The following FUT8 variants were observed in gnomAD, a reference collection of about 807,000 sequenced individuals.
The protein encoded by FUT8 is alpha-(1,6)-fucosyltransferase.
Under a neutral mutation model 71.3 loss-of-function variants are expected in FUT8, and 29 were observed. The ratio of observed to expected loss-of-function variants is 0.41; its 90% CI spans 0.30 to 0.55. The LOEUF (loss-of-function observed/expected upper bound fraction) is 0.55. Ranked by LOEUF, FUT8 falls within the 20% of genes least tolerant of loss-of-function variation. FUT8 has a pLI of 0.34. For synonymous variants in FUT8, 254 were observed against 239.3 expected, an observed-to-expected ratio of 1.06 and a Z score of -0.57; for missense variants, 544 against 702.1, an observed-to-expected ratio of 0.77 and a Z score of 2.55.
At chr14:65,445,438 C>G (rs1038026034) in intron 1 of FUT8, among the ~76,000 whole-genome samples, 2 of 152,044 alleles carry the variant, frequency 1.3e-5, no homozygotes, top group Non-Finnish European at 2.9e-5. Flanking sequence ...TATGGCAGCA[C>G]AAAATGGACC....
At chr14:65,433,812 C>G (rs1047875896) in intron 1 of FUT8, among the ~76,000 whole-genome samples, 1 of 150,480 alleles carries the variant, frequency 6.6e-6, no homozygotes, top group East Asian at 1.9e-4. Flanking sequence ...CTCTCTCTCT[C>G]TCTCTCGCTG....
At chr14:65,476,451 T>G (rs2066241051) in intron 2 of FUT8, among the ~76,000 whole-genome samples, 1 of 152,138 alleles carries the variant, frequency 6.6e-6, no homozygotes, top group African/African-American at 2.4e-5. Context: ...TCTGTTAATG[T>G]GTGAAATGTT....
At chr14:65,468,100 G>A (rs1439125460) in intron 2 of FUT8, 6 of 632,892 alleles carry the variant, frequency 9.5e-6, no homozygotes, top group Admixed American at 4.1e-5. Context: ...GCTGAGTAAC[G>A]TGTTTGTTTA....
chr14:65,695,043 T>C (rs556080000), intron 7 of FUT8, among the ~76,000 whole-genome samples: 2 of 152,276 alleles, frequency 1.3e-5, no homozygotes, highest in African/African-American at 4.8e-5. Context: ...TAGAGTATAA[T>C]AAATAAATAA....
intron 3 of FUT8, among the ~76,000 whole-genome samples, chr14:65,586,279 T>G (rs1887374704): frequency 6.6e-6 from 1 of 152,140 alleles, no homozygotes; most frequent in Non-Finnish European, 1.5e-5. Flanking sequence ...CTAGGAACAG[T>G]CAGTGCTGGA....
chr14:65,392,219 A>G, the FUT8 span, among the ~76,000 whole-genome samples: 1 of 152,228 alleles, frequency 6.6e-6, no homozygotes, highest in African/African-American at 2.4e-5. Context: ...GGCATGAGCC[A>G]CCGCGCCCGG....
chr14:65,703,269 T>G (rs1894400167), intron 7 of FUT8, among the ~76,000 whole-genome samples: 1 of 152,156 alleles, frequency 6.6e-6, no homozygotes, highest in Admixed American at 6.5e-5. Flanking sequence ...ATCAGACATC[T>G]CCTCCTTGCC....
In FUT8 at chr14:65,722,009, A is replaced by G. The variant is rs761750676; in HGVS notation, c.1070A>G (p.His357Arg). The change falls in exon 8 of 11, where the codon CAT (histidine) becomes CGT (arginine). Residue 357 changes from histidine (H) to arginine (R), a missense_variant. Physicochemically the swap from His to Arg is conservative, Grantham distance 29. Transcript: ENST00000673929. ...GCCACCAAGAAGCTTGGCTTCAAAC[A>G]TCCAGTTATTGGGTAAGAATCTGAT... The part of the protein sequence containing the change: ...EEATKKLGFK[H>R]PVIGVHVRRT... The G allele has an allele frequency of 2.5e-6, 4 of 1,614,076 alleles. No individual in the cohort carries two copies. In the Admixed American group the frequency reaches 6.7e-5, roughly 27 times the overall value.
intron 2 of FUT8, among the ~76,000 whole-genome samples, chr14:65,459,857 A>T (rs935530777): frequency 6.6e-6 from 1 of 152,212 alleles, no homozygotes; most frequent in Non-Finnish European, 1.5e-5. Context: ...TAAAAAAAAT[A>T]GCATTTTATT....
chr14:65,520,075 A>G (rs2139856467), intron 2 of FUT8, among the ~76,000 whole-genome samples: 1 of 152,342 alleles, frequency 6.6e-6, no homozygotes, highest in East Asian at 1.9e-4. Flanking sequence ...CACCATGCCC[A>G]GCCTACCTTT....
intron 2 of FUT8, among the ~76,000 whole-genome samples, chr14:65,559,649 T>C (rs921625445): frequency 7.2e-5 from 11 of 152,162 alleles, no homozygotes; most frequent in African/African-American, 1.9e-4. Context: ...TTAATACTTA[T>C]ATTTTTTGGC....
intron 7 of FUT8, among the ~76,000 whole-genome samples, chr14:65,708,261 G>C (rs1159552378): frequency 1.3e-5 from 2 of 152,150 alleles, no homozygotes; most frequent in Non-Finnish European, 2.9e-5. Context: ...TCTCCTTCCT[G>C]CTACCTTGTG....
chr14:65,442,271 G>T (rs2065671263), intron 1 of FUT8, among the ~76,000 whole-genome samples: 1 of 151,766 alleles, frequency 6.6e-6, no homozygotes, highest in African/African-American at 2.4e-5. Context: ...CACCTTCCGG[G>T]TTCAAGTGAT....
chr14:65,719,545 A>G (rs1276449811), intron 7 of FUT8, among the ~76,000 whole-genome samples: 2 of 151,992 alleles, frequency 1.3e-5, no homozygotes, highest in Non-Finnish European at 2.9e-5. Context: ...CATTGAAGGT[A>G]TTTATCGTAG....
chr14:65,653,395 G>GAC (rs1891508246), intron 6 of FUT8, among the ~76,000 whole-genome samples: 1 of 151,960 alleles, frequency 6.6e-6, no homozygotes, highest in Admixed American at 6.5e-5. Context: ...ATTAACTTTA[G>GAC]TATCTCTGAT....
chr14:65,611,798 T>A (rs1221386464), intron 3 of FUT8, among the ~76,000 whole-genome samples: 1 of 152,042 alleles, frequency 6.6e-6, no homozygotes, highest in Non-Finnish European at 1.5e-5. Context: ...GTAGCTGGGA[T>A]TACAGACGTC....
intron 3 of FUT8, among the ~76,000 whole-genome samples, chr14:65,591,592 A>C (rs1270603940): frequency 1.3e-5 from 2 of 152,118 alleles, no homozygotes; most frequent in African/African-American, 4.8e-5. Context: ...AAGTTATTAG[A>C]GGTAAGATAG....
intron 2 of FUT8, among the ~76,000 whole-genome samples, chr14:65,487,853 G>C (rs2066432329): frequency 2.0e-5 from 3 of 152,124 alleles, no homozygotes; most frequent in Admixed American, 2.0e-4. Context: ...TCAGAGACAG[G>C]GTCTTGCTCT....
intron 2 of FUT8, among the ~76,000 whole-genome samples, chr14:65,520,913 T>G (rs1883036015): frequency 6.6e-6 from 1 of 152,160 alleles, no homozygotes; most frequent in Non-Finnish European, 1.5e-5. Flanking sequence ...ATGAAAATCT[T>G]CAGAAACTGT....
Sources: allele counts gnomAD v4.1 joint callset (sites outside exome capture counted in the v4.1 genomes callset), GRCh38; gene constraint gnomAD v4.1.1; transcripts MANE v1.5; gene names NCBI Gene and HGNC (gene_info 2026-07-23, HGNC 2026-07-21).